The following COX5A variants were observed in gnomAD, a reference collection of about 807,000 sequenced individuals.
COX5A encodes cytochrome c oxidase subunit 5A, mitochondrial.
In COX5A, 6 loss-of-function variants were observed where a neutral mutation model predicts 16.1. The observed-to-expected ratio is 0.37, with a 90% CI of 0.20 to 0.73. The LOEUF (loss-of-function observed/expected upper bound fraction) is 0.73, where lower values mean the gene tolerates loss of function less well. COX5A is among the 30% of genes least tolerant of loss of function. The probability of loss-of-function intolerance (pLI) is 0.50; values close to 1 mark genes in which losing one functional copy is unlikely to be tolerated. For missense variants in COX5A, 159 were observed against 194.9 expected, an observed-to-expected ratio of 0.82 and a Z score of 1.10; for synonymous variants, 73 against 73.8, an observed-to-expected ratio of 0.99 and a Z score of 0.06.
intron 2 of COX5A, among the ~76,000 whole-genome samples, chr15:74,928,282 C>A (rs1165652892): frequency 4.6e-5 from 7 of 152,090 alleles, no homozygotes; most frequent in Admixed American, 3.3e-4. Context: ...AAGACAAGTT[C>A]TAACTTACTT....
At chr15:74,923,540 T>C in intron 4 of COX5A, 108 bp downstream of exon 4, 1 of 563,656 alleles carries the variant, frequency 1.8e-6, no homozygotes, top group Non-Finnish European at 3.2e-6. Context: ...CTCACGGCCA[T>C]TACCTCTAAC....
intron 1 of COX5A, among the ~76,000 whole-genome samples, chr15:74,930,568 C>T (rs181198208): frequency 1.3e-4 from 19 of 150,644 alleles, no homozygotes; most frequent in Non-Finnish European, 2.4e-4. Flanking sequence ...AGTGTAGTGG[C>T]GCAATCACAG....
chr15:74,927,820 A>T (rs1411069771), intron 2 of COX5A, among the ~76,000 whole-genome samples: 1 of 152,180 alleles, frequency 6.6e-6, no homozygotes, highest in African/African-American at 2.4e-5. Context: ...AAAGAGATTC[A>T]ACTGGAAAAC....
At chr15:74,931,016 C>CA (rs61417867) in intron 1 of COX5A, among the ~76,000 whole-genome samples, 2,414 of 23,584 alleles carry the variant, frequency 0.1, 590 homozygotes, top group South Asian at 0.2. Context: ...GACTCTGTCT[C>CA]AAAAAAAAAA....
intron 1 of COX5A, among the ~76,000 whole-genome samples, chr15:74,936,777 C>G (rs1307116670): frequency 6.6e-6 from 1 of 151,870 alleles, no homozygotes; most frequent in Admixed American, 6.6e-5. Flanking sequence ...CAGGCGCCCA[C>G]CACCACACCC....
At chr15:74,929,759 G>A (rs1346633185) in intron 1 of COX5A, among the ~76,000 whole-genome samples, 1 of 152,064 alleles carries the variant, frequency 6.6e-6, no homozygotes, top group Non-Finnish European at 1.5e-5. Flanking sequence ...TTCCAGCCTG[G>A]GCAACACAGC....
chr15:74,936,665 C>A (rs894356881), intron 1 of COX5A, among the ~76,000 whole-genome samples: 1 of 122,606 alleles, frequency 8.2e-6, no homozygotes, highest in Non-Finnish European at 1.6e-5. Flanking sequence ...CTCGCTCTGT[C>A]GGCCAGGCTG....
chr15:74,926,644 C>T (rs2065345896), intron 3 of COX5A, 122 bp downstream of exon 3: 1 of 1,031,210 alleles, frequency 9.7e-7, no homozygotes, highest in East Asian at 2.7e-5. Flanking sequence ...ATGTACATTC[C>T]TTCTAGTTAT....
intron 1 of COX5A, among the ~76,000 whole-genome samples, chr15:74,933,330 C>T (rs575172160): frequency 2.4e-4 from 36 of 152,076 alleles, no homozygotes; most frequent in Non-Finnish European, 4.7e-4. Context: ...AGGAGAATAG[C>T]TTGAACCCAG....
chr15:74,920,481 A>G (rs2065315035), intron 4 of COX5A, 39 bp from the exon 5 acceptor site: 1 of 676,854 alleles, frequency 1.5e-6, no homozygotes, highest in Admixed American at 2.4e-5. Flanking sequence ...AGGAAAGAAT[A>G]AAGAAAAAGT....
chr15:74,926,754 T>A lies in COX5A; in HGVS notation c.339+12A>T, dbSNP rs1411333285. 1.2e-6 allele frequency: 2 copies of A among 1,602,512 alleles called. No homozygotes were observed. Among genetic ancestry groups the A allele is most frequent in the African/African-American group, 2.7e-5 (2 of 74,404 alleles). ...ATTTACAGAACAATTTTAGCATTATTATTTCACTGACCTTAACAACCTCTA... is the reference window on the plus strand; with the variant it reads ...ATTTACAGAACAATTTTAGCATTATAATTTCACTGACCTTAACAACCTCTA... On this transcript the variant is annotated intron_variant, in intron 3 of 4. Coordinates refer to ENST00000322347, the MANE Select transcript of COX5A (RefSeq NM_004255.4).
At chr15:74,921,677 CAG>C (rs1249649693) in intron 4 of COX5A, among the ~76,000 whole-genome samples, 1 of 152,158 alleles carries the variant, frequency 6.6e-6, no homozygotes, top group African/African-American at 2.4e-5. Context: ...TTACAGTGAG[CAG>C]AGGTCGTGCC....
chr15:74,921,077 G>GAA (rs1401092829), intron 4 of COX5A, among the ~76,000 whole-genome samples: 3 of 152,156 alleles, frequency 2.0e-5, no homozygotes, highest in Non-Finnish European at 2.9e-5. Flanking sequence ...TTGATAAAAT[G>GAA]AAAACTAAAA....
chr15:74,920,013 C>A lies in COX5A; in HGVS notation c.*439G>T. 1 of 248,520 alleles carries A rather than the reference C, an allele frequency of 4.0e-6. No individual in the cohort carries two copies. The highest frequency in any genetic ancestry group is 7.5e-6 in the Non-Finnish European group (1 of 132,522). The allele number at this position is 248,520 out of a possible 1,614,324, so 15.4% of individuals were successfully genotyped here. Reference sequence around the variant, plus strand: ...CATTAAAACCTGTTTTGGAAAGGTACACAATTTGATCTATCCCCACAGACA... The same window carrying A: ...CATTAAAACCTGTTTTGGAAAGGTAAACAATTTGATCTATCCCCACAGACA... On this transcript the variant is annotated 3_prime_UTR_variant, in exon 5 of 5. Transcript: ENST00000322347.
chr15:74,922,553 T>A (rs1429585270), intron 4 of COX5A, among the ~76,000 whole-genome samples: 3 of 152,018 alleles, frequency 2.0e-5, no homozygotes, highest in Admixed American at 6.6e-5. Context: ...ACTATGTTGC[T>A]CAAGCCAGTC....
At chr15:74,931,271 C>T (rs1352462053) in intron 1 of COX5A, among the ~76,000 whole-genome samples, 1 of 152,016 alleles carries the variant, frequency 6.6e-6, no homozygotes, top group Non-Finnish European at 1.5e-5. Flanking sequence ...GAGGCTGAGA[C>T]TGGTGGATCA....
intron 1 of COX5A, among the ~76,000 whole-genome samples, chr15:74,935,913 C>CTT (rs1275779102): frequency 6.6e-6 from 1 of 151,336 alleles, no homozygotes; most frequent in South Asian, 2.1e-4. Context: ...TGTACTGTTA[C>CTT]TTTAGCAAAA....
At chr15:74,937,803 A>T (rs2141276121) in intron 1 of COX5A, 112 bp downstream of exon 1, 1 of 651,368 alleles carries the variant, frequency 1.5e-6, no homozygotes, top group East Asian at 3.5e-5. Flanking sequence ...CGGGTTCAGT[A>T]ACCAGGGTAG....
At chr15:74,929,343 G>T (rs760880460) in intron 1 of COX5A, 111 bp from the exon 2 acceptor site, 1 of 705,614 alleles carries the variant, frequency 1.4e-6, no homozygotes, top group Admixed American at 2.2e-5. Flanking sequence ...CAAAAATATT[G>T]AACAGGTCAA....
Sources: gnomAD v4.1 joint callset for allele counts (sites outside exome capture counted in the v4.1 genomes callset) on GRCh38, gnomAD v4.1.1 for gene constraint, MANE v1.5 for transcripts, NCBI Gene and HGNC (gene_info 2026-07-23, HGNC 2026-07-21) for gene names.